The following QKI variants were observed in gnomAD, a reference collection of about 807,000 sequenced individuals.
QKI encodes QKI, KH domain containing RNA binding, also known as KH domain-containing RNA-binding protein QKI.
QKI carries 10 observed loss-of-function variants against 39.0 expected under a neutral mutation model. That is an observed-to-expected ratio of 0.26 (90% CI 0.16 to 0.43). The LOEUF is 0.43. QKI is among the 20% of genes least tolerant of loss of function. The pLI is 1.00. For missense variants in QKI, 218 were observed against 428.0 expected, an observed-to-expected ratio of 0.51 and a Z score of 4.33; for synonymous variants, 204 against 155.4, an observed-to-expected ratio of 1.31 and a Z score of -2.33.
Position 163,572,892 on chromosome 6 carries a change from T to TCA in QKI, c.*2182_*2183insCA, listed in dbSNP as rs770936947. ...ATATGCCACTGCTTTGTCTTTCTGTTACACATACAGTTTTGATTTATTTAC... is the reference window on the plus strand; with the variant it reads ...ATATGCCACTGCTTTGTCTTTCTGTTCAACACATACAGTTTTGATTTATTTAC... On this transcript the variant is annotated 3_prime_UTR_variant, in exon 8 of 8. Coordinates refer to ENST00000361752, the MANE Select transcript of QKI (RefSeq NM_006775.3). 2 of 152,174 alleles carry TCA rather than the reference T, an allele frequency of 1.3e-5. No individual in the cohort carries two copies. Among genetic ancestry groups the TCA allele is most frequent in the Non-Finnish European group, 2.9e-5 (2 of 68,030 alleles). 9.4% of individuals were successfully genotyped at this position (152,174 alleles called of 1,614,324 possible). A position where few individuals can be genotyped will look rare whatever the true frequency, so the allele number is the denominator to read the frequency against.
chr6:163,517,449 C>G (rs753473096), intron 3 of QKI, among the ~76,000 whole-genome samples: 7 of 151,810 alleles, frequency 4.6e-5, no homozygotes, highest in Non-Finnish European at 1.0e-4. Context: ...CAGTCTCTAG[C>G]TCTTTTGGCT....
chr6:163,486,415 T>A (rs1777683339), intron 3 of QKI, among the ~76,000 whole-genome samples: 1 of 152,216 alleles, frequency 6.6e-6, no homozygotes, highest in Non-Finnish European at 1.5e-5. Flanking sequence ...TTACGAAATG[T>A]TATTAGAGTC....
At chr6:163,451,436 G>A (rs999068736) in intron 1 of QKI, among the ~76,000 whole-genome samples, 2 of 152,146 alleles carry the variant, frequency 1.3e-5, no homozygotes, top group Admixed American at 6.5e-5. Flanking sequence ...CCATGTCATT[G>A]GTTTAGGGAA....
intron 3 of QKI, among the ~76,000 whole-genome samples, chr6:163,493,535 G>A (rs900449613): frequency 6.6e-6 from 1 of 152,208 alleles, no homozygotes; most frequent in East Asian, 1.9e-4. Flanking sequence ...TAAAAATGCT[G>A]TGAAGAATAT....
intron 6 of QKI, chr6:163,564,855 A>T: frequency 6.9e-7 from 1 of 1,446,896 alleles, no homozygotes; most frequent in Non-Finnish European, 9.1e-7. Context: ...TTGGTGCTGC[A>T]TGCATGCTGT....
At chr6:163,568,978 T>A (rs1376321249) in intron 7 of QKI, 7 of 985,958 alleles carry the variant, frequency 7.1e-6, no homozygotes, top group Non-Finnish European at 7.2e-6. Flanking sequence ...TATTCCACAC[T>A]CAGAAAAGAA....
chr6:163,514,873 A>G (rs1378233727), intron 3 of QKI, among the ~76,000 whole-genome samples: 2 of 152,288 alleles, frequency 1.3e-5, no homozygotes, highest in South Asian at 2.1e-4. Flanking sequence ...AAACTTATAA[A>G]GGAATATCAG....
At chr6:163,455,457 T>A in intron 2 of QKI, 36 bp downstream of exon 2, 1 of 1,573,276 alleles carries the variant, frequency 6.4e-7, no homozygotes, top group Non-Finnish European at 8.7e-7. Flanking sequence ...AATTTTGTTC[T>A]GCTTCACATA....
intron 3 of QKI, among the ~76,000 whole-genome samples, chr6:163,488,375 G>A (rs1486454066): frequency 6.6e-6 from 1 of 152,128 alleles, no homozygotes; most frequent in Non-Finnish European, 1.5e-5. Context: ...AGAGATTATA[G>A]TCTGGGCTCT....
intron 4 of QKI, 101 bp from the exon 5 acceptor site, chr6:163,561,875 GGTGACT>G: frequency 4.1e-6 from 3 of 739,824 alleles, no homozygotes; most frequent in Admixed American, 6.0e-5. Flanking sequence ...TATTAAAACA[GGTGACT>G]GTAGTCACAT....
chr6:163,512,261 C>G (rs1480497891), intron 3 of QKI, among the ~76,000 whole-genome samples: 3 of 151,822 alleles, frequency 2.0e-5, no homozygotes, highest in Admixed American at 2.0e-4. Flanking sequence ...TGTGTTCCTC[C>G]TAAGGTCACA....
intron 7 of QKI, chr6:163,567,934 A>C (rs1184695670): frequency 2.0e-5 from 20 of 985,284 alleles, no homozygotes; most frequent in Non-Finnish European, 2.4e-5. Flanking sequence ...CCACATCAGA[A>C]ATAACATGCC....
intron 4 of QKI, among the ~76,000 whole-genome samples, chr6:163,547,611 C>T (rs150004567): frequency 1.8e-4 from 27 of 152,230 alleles, no homozygotes; most frequent in African/African-American, 5.5e-4. Context: ...TCTTCCTTGC[C>T]CTCCCCGTAT....
intron 3 of QKI, among the ~76,000 whole-genome samples, chr6:163,531,777 A>T (rs1780869059): frequency 6.6e-6 from 1 of 152,186 alleles, no homozygotes; most frequent in African/African-American, 2.4e-5. Context: ...AAGTGCTGGG[A>T]TTACAGGCAT....
chr6:163,487,135 T>G (rs1198026600), intron 3 of QKI, among the ~76,000 whole-genome samples: 1 of 152,114 alleles, frequency 6.6e-6, no homozygotes, highest in Non-Finnish European at 1.5e-5. Context: ...GTTTTATCGA[T>G]CTTGTTGAAT....
At chr6:163,488,430 AC>A (rs1422355603) in intron 3 of QKI, among the ~76,000 whole-genome samples, 1 of 152,168 alleles carries the variant, frequency 6.6e-6, no homozygotes, top group Non-Finnish European at 1.5e-5. Flanking sequence ...TGAAATACAC[AC>A]GAATATTTTC....
intron 4 of QKI, among the ~76,000 whole-genome samples, chr6:163,542,540 G>A (rs1159303365): frequency 6.6e-6 from 1 of 152,042 alleles, no homozygotes; most frequent in Non-Finnish European, 1.5e-5. Flanking sequence ...AAGCTTGAAA[G>A]GGCTAGACTG....
intron 1 of QKI, among the ~76,000 whole-genome samples, chr6:163,425,886 A>G (rs1262928528): frequency 6.6e-6 from 1 of 152,212 alleles, no homozygotes; most frequent in Non-Finnish European, 1.5e-5. Context: ...GCCTTGAAGA[A>G]AATTTTGTCC....
intron 4 of QKI, among the ~76,000 whole-genome samples, chr6:163,539,726 T>G (rs1213694117): frequency 6.6e-6 from 1 of 152,248 alleles, no homozygotes; most frequent in Non-Finnish European, 1.5e-5. Flanking sequence ...AAGTGCATTT[T>G]AAATTTTATT....
Sources: allele counts gnomAD v4.1 joint callset (sites outside exome capture counted in the v4.1 genomes callset), GRCh38; gene constraint gnomAD v4.1.1; transcripts MANE v1.5; gene names NCBI Gene and HGNC (gene_info 2026-07-23, HGNC 2026-07-21).